Variants in TIAM2 observed in about 807,000 individuals in gnomAD.
TIAM2 encodes TIAM Rac1 associated GEF 2.
Under a neutral mutation model 152.9 loss-of-function variants are expected in TIAM2, and 80 were observed. The ratio of observed to expected loss-of-function variants is 0.52; its 90% confidence interval spans 0.44 to 0.63. The LOEUF (loss-of-function observed/expected upper bound fraction) is 0.63. TIAM2 is among the 30% of genes least tolerant of loss of function. The pLI is 0.00. For synonymous variants in TIAM2, 804 were observed against 838.0 expected (o/e 0.96, Z 0.70); for missense variants, 1,965 against 2,120.1 (o/e 0.93, Z 1.44).
intron 2 of TIAM2, among the ~76,000 whole-genome samples, chr6:155,099,238 G>A (rs909439106): frequency 5.7e-4 from 86 of 151,710 alleles, no homozygotes; most frequent in Middle Eastern, 3.4e-3. Flanking sequence ...GTGTGTGTGT[G>A]TGTGTGTGTG....
At chr6:155,011,224 C>T (rs1778484995) in intron 1 of TIAM2, among the ~76,000 whole-genome samples, 1 of 152,100 alleles carries the variant, frequency 6.6e-6, no homozygotes, top group Non-Finnish European at 1.5e-5. Flanking sequence ...TACAACTCCT[C>T]ACTTTCAGGA....
At chr6:155,063,671 A>T (rs1418961156) in intron 1 of TIAM2, among the ~76,000 whole-genome samples, 3 of 150,294 alleles carry the variant, frequency 2.0e-5, no homozygotes, top group Non-Finnish European at 3.0e-5. Context: ...TGTCCCAGCA[A>T]TTTGGGAGGC....
intron 16 of TIAM2, 104 bp from the exon 17 acceptor site, chr6:155,243,907 C>T: frequency 3.1e-6 from 2 of 642,404 alleles, no homozygotes; most frequent in East Asian, 3.6e-5. Flanking sequence ...ACTTCATTAT[C>T]CTGATGGGAG....
chr6:154,996,731 T>G (rs1343380229), intron 1 of TIAM2, among the ~76,000 whole-genome samples: 1 of 152,244 alleles, frequency 6.6e-6, no homozygotes, highest in Non-Finnish European at 1.5e-5. Flanking sequence ...GTATACACTC[T>G]TAGAAGTATT....
In TIAM2 at chr6:155,106,099, G is replaced by A. The variant is rs555689576; in HGVS notation, c.-118+15720G>A. On this transcript the variant is annotated intron_variant, in intron 2 of 26. Coordinates refer to ENST00000682666, the MANE Select transcript of TIAM2 (RefSeq NM_012454.4). ...GGCTCACTGCAACCTCTGCCCCCTG[G>A]GTTCAGGCAATTCTCCTGTCTCAGC... Among the ~76,000 whole-genome samples the A allele has an allele frequency of 1.4e-3, 206 of 151,722 alleles. 2 individuals are homozygous for A. Among genetic ancestry groups the A allele is most frequent in the African/African-American group, 4.8e-3 (197 of 41,318 alleles).
At chr6:155,059,184 T>C (rs1016862663) in intron 1 of TIAM2, among the ~76,000 whole-genome samples, 3 of 152,214 alleles carry the variant, frequency 2.0e-5, no homozygotes, top group Non-Finnish European at 4.4e-5. Flanking sequence ...TGTATTTCCT[T>C]AGTATCCTCC....
At chr6:155,187,947 T>C (rs1376507341) in intron 14 of TIAM2, among the ~76,000 whole-genome samples, 1 of 152,174 alleles carries the variant, frequency 6.6e-6, no homozygotes, top group African/African-American at 2.4e-5. Flanking sequence ...TAGCCTGCAT[T>C]GGCTGGAGAG....
rs1389767326 is a variant in TIAM2, at chr6:155,174,177, C to G, written c.2362-2639C>G. ...GTGTGAACCAGCTCATCCCAGACTT[C>G]CACCCTTCAGATCCCCGGAGTACCA... On this transcript the variant is annotated intron_variant, in intron 9 of 26. Transcript: ENST00000682666. This position sits in a 1 kb window ranked among gnomAD's most constrained non-coding sequence, Gnocchi z 4.2. Among the ~76,000 whole-genome samples, 1 of 152,198 alleles carries G rather than the reference C, an allele frequency of 6.6e-6. No individual in the cohort carries two copies. Among genetic ancestry groups the G allele is most frequent in the Non-Finnish European group, 1.5e-5 (1 of 68,036 alleles).
At chr6:155,154,527 C>T (rs923805578) in intron 7 of TIAM2, among the ~76,000 whole-genome samples, 2 of 152,182 alleles carry the variant, frequency 1.3e-5, no homozygotes, top group African/African-American at 4.8e-5. Context: ...CACGCCAGAT[C>T]GCCTTTGAAG....
At chr6:155,239,289 G>A (rs1782915260) in intron 15 of TIAM2, among the ~76,000 whole-genome samples, 1 of 152,150 alleles carries the variant, frequency 6.6e-6, no homozygotes, top group South Asian at 2.1e-4. Flanking sequence ...CATTTGTGTT[G>A]GGACTCAGCT....
chr6:155,042,015 C>G (rs748386911), intron 1 of TIAM2, among the ~76,000 whole-genome samples: 4 of 152,070 alleles, frequency 2.6e-5, no homozygotes, highest in Non-Finnish European at 5.9e-5. Flanking sequence ...CATCCTCCAA[C>G]CAGACTTTTT....
intron 25 of TIAM2, 57 bp downstream of exon 25, chr6:155,254,117 TAAGGG>T: frequency 1.3e-6 from 2 of 1,545,296 alleles, no homozygotes; most frequent in Admixed American, 3.6e-5. Context: ...TTATGTCTCT[TAAGGG>T]AATTTATATT....
intron 7 of TIAM2, among the ~76,000 whole-genome samples, chr6:155,153,335 G>A (rs937997271): frequency 6.6e-6 from 1 of 151,928 alleles, no homozygotes; most frequent in Non-Finnish European, 1.5e-5. Flanking sequence ...GTCCAGGCAC[G>A]GTGACTCACA....
At chr6:155,013,353 T>G (rs140769553) in intron 1 of TIAM2, among the ~76,000 whole-genome samples, 1 of 152,260 alleles carries the variant, frequency 6.6e-6, no homozygotes, top group East Asian at 1.9e-4. Context: ...TTTGTCTCTT[T>G]TGCTTTGGAG....
intron 21 of TIAM2, among the ~76,000 whole-genome samples, chr6:155,250,291 CTTTTTTTT>C (rs11320509): frequency 7.5e-5 from 10 of 133,700 alleles, no homozygotes; most frequent in African/African-American, 2.5e-4. Flanking sequence ...TTGATTTTGC[CTTTTTTTT>C]TTTTTTTTTT....
chr6:155,105,099 G>A (rs543221201), intron 2 of TIAM2, among the ~76,000 whole-genome samples: 1 of 151,836 alleles, frequency 6.6e-6, no homozygotes, highest in African/African-American at 2.4e-5. Context: ...TGGGACTACT[G>A]GCATGCACTA....
chr6:155,254,637 T>C (rs1159623928), intron 26 of TIAM2, 64 bp downstream of exon 26: 2 of 1,572,376 alleles, frequency 1.3e-6, no homozygotes, highest in Non-Finnish European at 1.7e-6. Flanking sequence ...AAAGGATATA[T>C]GCTCTTGTAA....
chr6:155,015,712 G>GCA, intron 1 of TIAM2, among the ~76,000 whole-genome samples: 2 of 151,998 alleles, frequency 1.3e-5, no homozygotes, highest in African/African-American at 2.4e-5. Flanking sequence ...CTAAGCAGAT[G>GCA]GATCACTTGA....
At chr6:155,215,412 A>C (rs1781830603) in intron 15 of TIAM2, among the ~76,000 whole-genome samples, 1 of 152,206 alleles carries the variant, frequency 6.6e-6, no homozygotes, top group Non-Finnish European at 1.5e-5. Flanking sequence ...AGAAGAAAAA[A>C]TTTTATTGAA....
Sources: gnomAD v4.1 joint callset for allele counts (sites outside exome capture counted in the v4.1 genomes callset) on GRCh38, gnomAD v4.1.1 for gene constraint, Gnocchi (gnomAD v3.1) non-coding constraint, MANE v1.5 for transcripts, NCBI Gene and HGNC (gene_info 2026-07-23, HGNC 2026-07-21) for gene names.